LRRC49: variants seen among roughly 807,000 people sequenced by gnomAD.
LRRC49 encodes leucine-rich repeat-containing protein 49.
Under a neutral mutation model 83.3 loss-of-function variants are expected in LRRC49, and 50 were observed. The observed-to-expected ratio is 0.60, with a 90% CI of 0.48 to 0.76. The LOEUF (loss-of-function observed/expected upper bound fraction) is 0.76. Ranked by LOEUF, LRRC49 falls within the 30% of genes least tolerant of loss-of-function variation. LRRC49 has a pLI of 0.00. For synonymous variants in LRRC49, 286 were observed against 283.3 expected, an observed-to-expected ratio of 1.01 and a Z score of -0.10; for missense variants, 704 against 809.1, an observed-to-expected ratio of 0.87 and a Z score of 1.58.
At chr15:70,966,728 TG>T (rs2036808039) in intron 9 of LRRC49, among the ~76,000 whole-genome samples, 1 of 152,146 alleles carries the variant, frequency 6.6e-6, no homozygotes, top group Non-Finnish European at 1.5e-5. Context: ...ATATTTCTTT[TG>T]GCCTAGAGGC....
chr15:71,051,430 C>T lies in LRRC49; in HGVS notation c.*1818C>T, dbSNP rs1236935641. Reference sequence around the variant, plus strand: ...CCAAACTGAAACATATGGACCATTTCTCATCTGGCTAGTAAACACTTATCT... The same window carrying T: ...CCAAACTGAAACATATGGACCATTTTTCATCTGGCTAGTAAACACTTATCT... On this transcript the variant is annotated 3_prime_UTR_variant, in exon 16 of 16. Coordinates refer to ENST00000260382, the MANE Select transcript of LRRC49 (RefSeq NM_017691.5). 1 of 152,206 alleles carries T rather than the reference C, an allele frequency of 6.6e-6. No individual in the cohort carries two copies. The highest frequency in any genetic ancestry group is 1.5e-5 in the Non-Finnish European group (1 of 68,078). The allele number at this position is 152,206 out of a possible 1,614,324, so 9.4% of individuals were successfully genotyped here.
At chr15:70,992,764 C>G (rs1444796120) in intron 11 of LRRC49, among the ~76,000 whole-genome samples, 1 of 152,220 alleles carries the variant, frequency 6.6e-6, no homozygotes, top group Non-Finnish European at 1.5e-5. Flanking sequence ...AGAGGGGTAC[C>G]TGGCTGTGTG....
intron 10 of LRRC49, 45 bp from the exon 11 acceptor site, chr15:70,984,048 CA>C: frequency 6.6e-7 from 1 of 1,514,002 alleles, no homozygotes; most frequent in South Asian, 1.1e-5. Context: ...ACTTCTGCTA[CA>C]AAAATTGCAT....
At chr15:70,987,614 G>T (rs889979344) in intron 11 of LRRC49, among the ~76,000 whole-genome samples, 3 of 151,992 alleles carry the variant, frequency 2.0e-5, no homozygotes, top group African/African-American at 7.3e-5. Flanking sequence ...TTTTTGAAGG[G>T]TTTTTTGTGT....
chr15:70,895,866 TA>T lies in LRRC49; in HGVS notation c.126del (p.Asp43ThrfsTer29), dbSNP rs1567040806. 6.2e-7 allele frequency: 1 copy of T among 1,609,590 alleles called. No individual in the cohort carries two copies. The highest frequency in any genetic ancestry group is 8.5e-7 in the Non-Finnish European group (1 of 1,177,986). On this transcript the variant is annotated frameshift_variant, in exon 3 of 16. Coordinates refer to ENST00000260382, the MANE Select transcript of LRRC49 (RefSeq NM_017691.5). LOFTEE classifies it high-confidence loss of function. ...EKNKVEFKLN[K>X]DTSSFPGRLL... is the part of the protein sequence containing the mutation. ...TTTTTCAGGTTGAATTCAAGCTAAA[TA>T]AAGACACATCGTCATTCCCCGGTAG... is the stretch of plus-strand genomic sequence containing the variant.
chr15:70,911,377 A>C (rs2034543776), intron 5 of LRRC49, among the ~76,000 whole-genome samples, 155 bp from the exon 6 acceptor site: 1 of 152,110 alleles, frequency 6.6e-6, no homozygotes, highest in Non-Finnish European at 1.5e-5. Flanking sequence ...AATTATAATA[A>C]ATCAGAGGGA....
intron 4 of LRRC49, among the ~76,000 whole-genome samples, chr15:70,901,233 A>G (rs1427070433): frequency 6.6e-6 from 1 of 152,154 alleles, no homozygotes; most frequent in Admixed American, 6.6e-5. Flanking sequence ...AAAGAGCTTG[A>G]CTATACTTCA....
chr15:70,936,090 G>A (rs1227392392), intron 7 of LRRC49, among the ~76,000 whole-genome samples: 1 of 151,794 alleles, frequency 6.6e-6, no homozygotes, highest in Non-Finnish European at 1.5e-5. Context: ...ATTTGTTAAG[G>A]TTAACTGTAT....
At chr15:70,870,816 A>G (rs564555661) in intron 1 of LRRC49, among the ~76,000 whole-genome samples, 48 of 152,318 alleles carry the variant, frequency 3.2e-4, no homozygotes, top group African/African-American at 1.1e-3. Context: ...TAACCCTTTC[A>G]AGGTCATCAT....
At chr15:71,041,197 T>A (rs1300958143) in intron 15 of LRRC49, among the ~76,000 whole-genome samples, 1 of 152,144 alleles carries the variant, frequency 6.6e-6, no homozygotes, top group African/African-American at 2.4e-5. Flanking sequence ...CTGCCAAGTT[T>A]GAGGTAATTT....
At chr15:71,013,666 G>A (rs1320093238) in intron 14 of LRRC49, among the ~76,000 whole-genome samples, 2 of 152,168 alleles carry the variant, frequency 1.3e-5, no homozygotes, top group African/African-American at 4.8e-5. Context: ...AAGGATGGTT[G>A]ACCAGTCATG....
chr15:70,967,855 C>G (rs1050361711), intron 9 of LRRC49, among the ~76,000 whole-genome samples: 2 of 151,954 alleles, frequency 1.3e-5, no homozygotes, highest in African/African-American at 4.8e-5. Flanking sequence ...TTTGGCAGTC[C>G]TTAATCTAGA....
At position 70,893,651 on chromosome 15, in the gene LRRC49, A is replaced by T; in HGVS notation, c.105+11A>T. 6.2e-7 allele frequency: 1 copy of T among 1,603,638 alleles called. No individual in the cohort carries two copies. Among genetic ancestry groups the T allele is most frequent in the East Asian group, 2.2e-5 (1 of 44,766 alleles). On this transcript the variant is annotated intron_variant, in intron 2 of 15. Transcript: ENST00000260382. ...CCTGAAAAAAACAAAGTAAGATTTAAGAAGGTTGGCATTTAAATTGAAGAT... is the reference window on the plus strand; with the variant it reads ...CCTGAAAAAAACAAAGTAAGATTTATGAAGGTTGGCATTTAAATTGAAGAT...
chr15:70,873,073 C>A, exon 2 of LRRC49: 1 of 687,652 alleles, frequency 1.5e-6, no homozygotes, highest in South Asian at 1.6e-5. Context: ...TTAGTAGAGG[C>A]GGGGTTTCAC....
intron 2 of LRRC49, among the ~76,000 whole-genome samples, chr15:70,877,576 C>A (rs569657847): frequency 6.6e-6 from 1 of 152,202 alleles, no homozygotes; most frequent in South Asian, 2.1e-4. Flanking sequence ...ACTTCAATTT[C>A]CTTATCCACT....
At chr15:71,037,452 A>G in intron 15 of LRRC49, 120 bp downstream of exon 15, 1 of 814,236 alleles carries the variant, frequency 1.2e-6, no homozygotes, top group East Asian at 2.7e-5. Flanking sequence ...AATATTTGTC[A>G]ACCTTATATT....
intron 1 of LRRC49, chr15:70,854,076 C>A (rs1379547166): frequency 7.4e-7 from 1 of 1,352,176 alleles, no homozygotes; most frequent in Non-Finnish European, 9.6e-7. Flanking sequence ...GCCTCCCCGC[C>A]GGACTGGGCC....
intron 1 of LRRC49, among the ~76,000 whole-genome samples, chr15:70,858,084 T>C (rs1474912601): frequency 6.6e-6 from 1 of 152,224 alleles, no homozygotes; most frequent in East Asian, 1.9e-4. Context: ...TTAGCCTGAA[T>C]GGGAAACACA....
intron 2 of LRRC49, among the ~76,000 whole-genome samples, chr15:70,879,932 A>G (rs1297720432): frequency 6.6e-6 from 1 of 152,260 alleles, no homozygotes; most frequent in Non-Finnish European, 1.5e-5. Context: ...CACATTTAAA[A>G]TAGAATTTAA....
Sources: allele counts gnomAD v4.1 joint callset (sites outside exome capture counted in the v4.1 genomes callset), GRCh38; gene constraint gnomAD v4.1.1; transcripts MANE v1.5; gene names NCBI Gene and HGNC (gene_info 2026-07-23, HGNC 2026-07-21).